SP140: variants seen among roughly 807,000 people sequenced by gnomAD.
SP140 encodes the protein SP140 nuclear body protein.
A neutral mutation model predicts 125.0 loss-of-function variants in SP140; 81 were observed. The ratio of observed to expected loss-of-function variants is 0.65; its 90% CI spans 0.54 to 0.78. The LOEUF is 0.78. SP140 is among the 30% of genes least tolerant of loss of function. SP140 has a pLI of 0.00. For missense variants in SP140, 858 were observed against 1,037.0 expected (o/e 0.83, Z 2.37); for synonymous variants, 312 against 354.0 (o/e 0.88, Z 1.33).
At chr2:230,249,371 G>A (rs1353821697) in intron 9 of SP140, among the ~76,000 whole-genome samples, 4 of 152,246 alleles carry the variant, frequency 2.6e-5, no homozygotes, top group African/African-American at 7.2e-5. Context: ...GTGAAAGACC[G>A]AAGGCTTGCA....
downstream of SP140, among the ~76,000 whole-genome samples, chr2:230,313,935 A>C (rs1280439210): frequency 2.0e-5 from 3 of 152,234 alleles, no homozygotes; most frequent in Admixed American, 2.0e-4. Flanking sequence ...AAGTGCCATT[A>C]ATGTCCTGAA....
intron 12 of SP140, among the ~76,000 whole-genome samples, chr2:230,259,326 C>T (rs892609419): frequency 3.3e-5 from 5 of 152,040 alleles, no homozygotes; most frequent in Admixed American, 6.6e-5. Flanking sequence ...TTAGCTCCCA[C>T]GTATCAGTGA....
At chr2:230,316,034 G>C (rs570623782), downstream of SP140, among the ~76,000 whole-genome samples, 310 of 152,334 alleles carry the variant, frequency 2.0e-3, no homozygotes, top group African/African-American at 6.8e-3. Context: ...TTGGACAACA[G>C]TATATCCTTA....
chr2:230,203,836 C>A (rs1031677298), intron 1 of SP140: 3 of 151,924 alleles, frequency 2.0e-5, no homozygotes, highest in African/African-American at 4.8e-5. Flanking sequence ...TGTTGGGCTG[C>A]GGGCAGGGAG....
At position 230,242,010 on chromosome 2, in the gene SP140, G is replaced by A. The variant is rs761533537; in HGVS notation, c.490+523G>A. Among the ~76,000 whole-genome samples, 8 of 152,032 alleles carry A rather than the reference G, an allele frequency of 5.3e-5. 1 individual carries two copies. Among genetic ancestry groups the A allele is most frequent in the Middle Eastern group, 6.3e-3 (2 of 316 alleles). On this transcript the variant is annotated intron_variant, in intron 4 of 26. Transcript: ENST00000392045. The stretch of plus-strand genomic sequence containing the variant: ...AGGGGAGCCTGAAAGATAGAATTGC[G>A]CAGGGAGACAAAACTGAAATAGTGT...
chr2:230,284,247 C>G (rs2056050266), intron 15 of SP140, 99 bp from the exon 16 acceptor site: 1 of 1,220,914 alleles, frequency 8.2e-7, no homozygotes. Flanking sequence ...TCCTGCGGAC[C>G]AAAGTATGAA....
intron 19 of SP140, among the ~76,000 whole-genome samples, chr2:230,291,466 T>C (rs1163648524): frequency 6.6e-6 from 1 of 152,218 alleles, no homozygotes; most frequent in Non-Finnish European, 1.5e-5. Context: ...ACTAATCTAT[T>C]TTCTGCTCTA....
intron 17 of SP140, among the ~76,000 whole-genome samples, chr2:230,287,291 C>T (rs2056506375): frequency 6.6e-6 from 1 of 152,184 alleles, no homozygotes; most frequent in Non-Finnish European, 1.5e-5. Flanking sequence ...TTACTTTCAG[C>T]ACGAGGGTAC....
At chr2:230,248,217 C>G (rs1296859528) in intron 8 of SP140, 152 bp downstream of exon 8, 3 of 678,370 alleles carry the variant, frequency 4.4e-6, no homozygotes, top group Non-Finnish European at 5.1e-6. Flanking sequence ...TCTTTAACAT[C>G]GATATGCAAA....
At chr2:230,225,523 A>T (rs2046212959), upstream of SP140, 1 of 415,032 alleles carries the variant, frequency 2.4e-6, no homozygotes, top group African/African-American at 2.0e-5. Context: ...CCTCCTCATG[A>T]TGCCACCTTA....
intron 26 of SP140, 96 bp from the exon 27 acceptor site, chr2:230,312,490 T>G (rs1202759691): frequency 2.5e-6 from 2 of 792,916 alleles, no homozygotes; most frequent in Non-Finnish European, 4.0e-6. Context: ...CAGTACTTTT[T>G]TTTTTAAAGA....
intron 3 of SP140, among the ~76,000 whole-genome samples, chr2:230,240,600 G>A (rs1035498959): frequency 1.3e-5 from 2 of 152,188 alleles, no homozygotes; most frequent in African/African-American, 4.8e-5. Flanking sequence ...GCAAATTAAA[G>A]TTATAGTGAG....
chr2:230,238,136 T>C, intron 2 of SP140, 77 bp from the exon 3 acceptor site: 2 of 975,754 alleles, frequency 2.0e-6, no homozygotes, highest in South Asian at 1.7e-5. Flanking sequence ...AGAGAACAGA[T>C]GTTCTATCTA....
chr2:230,302,539 C>T (rs947156697), intron 22 of SP140, among the ~76,000 whole-genome samples: 1 of 152,222 alleles, frequency 6.6e-6, no homozygotes, highest in African/African-American at 2.4e-5. Context: ...TGGACTTAAA[C>T]TGTACACTAG....
upstream of SP140, among the ~76,000 whole-genome samples, chr2:230,224,782 A>C (rs1004572505): frequency 2.0e-5 from 3 of 152,146 alleles, no homozygotes. Context: ...TTCAATCCTC[A>C]CTACTGTTCT....
At chr2:230,247,438 T>C (rs2049629551) in intron 7 of SP140, among the ~76,000 whole-genome samples, 1 of 152,138 alleles carries the variant, frequency 6.6e-6, no homozygotes, top group Non-Finnish European at 1.5e-5. Flanking sequence ...CAGTAGACTT[T>C]TAGTGAGTTC....
intron 15 of SP140, among the ~76,000 whole-genome samples, chr2:230,275,228 C>G (rs563924923): frequency 6.6e-6 from 1 of 152,040 alleles, no homozygotes; most frequent in Non-Finnish European, 1.5e-5. Flanking sequence ...AGGCACATCT[C>G]GTTTGATTGC....
At chr2:230,206,595 T>TATATATATATATATA (rs2043840701) in intron 1 of SP140, among the ~76,000 whole-genome samples, 1 of 70,508 alleles carries the variant, frequency 1.4e-5, no homozygotes, top group Non-Finnish European at 2.8e-5. Context: ...GGTCCAGATT[T>TATATATATATATATA]TATATATATA....
rs902411452 is a variant in SP140, at chr2:230,269,850, A to C, written c.1341A>C (p.Ser447=). The change falls in exon 14 of 27, where the codon TCA becomes TCC. Residue 447 remains serine, a synonymous_variant. Coordinates refer to ENST00000392045, the MANE Select transcript of SP140 (RefSeq NM_007237.5). The part of the protein sequence containing the change: ...LYDNVPGAEQ[S]AYENEKCSCV... ...ATTTTGGCCCAGGAGCGGAGCAATC[A>C]GCATATGAAAATGAGAAGTGTTCCT... 3 of 1,613,868 alleles carry C rather than the reference A, an allele frequency of 1.9e-6. No homozygotes were observed.
Sources: gnomAD v4.1 joint callset for allele counts (sites outside exome capture counted in the v4.1 genomes callset) on GRCh38, gnomAD v4.1.1 for gene constraint, MANE v1.5 for transcripts, NCBI Gene and HGNC (gene_info 2026-07-23, HGNC 2026-07-21) for gene names.